The following CLEC16A variants were observed in gnomAD, a reference collection of about 807,000 sequenced individuals.
CLEC16A encodes C-type lectin domain containing 16A, also known as protein CLEC16A.
A neutral mutation model predicts 109.5 loss-of-function variants in CLEC16A; 51 were observed. The ratio of observed to expected loss-of-function variants is 0.47; its 90% confidence interval spans 0.37 to 0.59. The LOEUF is 0.59. Ranked by LOEUF, CLEC16A falls within the 20% of genes least tolerant of loss-of-function variation. The pLI is 0.00. For synonymous variants in CLEC16A, 673 were observed against 564.2 expected (o/e 1.19, Z -2.73); for missense variants, 1,339 against 1,394.0 (o/e 0.96, Z 0.63).
At chr16:11,007,424 G>A (rs1042471587) in intron 11 of CLEC16A, among the ~76,000 whole-genome samples, 1 of 152,130 alleles carries the variant, frequency 6.6e-6, no homozygotes, top group African/African-American at 2.4e-5. Context: ...TCTTGGTTGG[G>A]GCAAGCCAGG....
At chr16:11,176,861 A>G (rs2068769016) in intron 23 of CLEC16A, among the ~76,000 whole-genome samples, 1 of 152,198 alleles carries the variant, frequency 6.6e-6, no homozygotes, top group South Asian at 2.1e-4. Flanking sequence ...TCGCTCCGTG[A>G]TGGGAGCTCT....
chr16:11,033,976 C>G (rs1256653330), intron 13 of CLEC16A, among the ~76,000 whole-genome samples: 4 of 152,146 alleles, frequency 2.6e-5, no homozygotes, highest in Non-Finnish European at 4.4e-5. Flanking sequence ...CTTGAAGGTT[C>G]CCCAGTTCAG....
At chr16:10,994,514 G>GT (rs1470976427) in intron 10 of CLEC16A, among the ~76,000 whole-genome samples, 1 of 152,096 alleles carries the variant, frequency 6.6e-6, no homozygotes, top group Non-Finnish European at 1.5e-5. Flanking sequence ...GTTACAGTGG[G>GT]TGTGACCTCC....
intron 22 of CLEC16A, among the ~76,000 whole-genome samples, chr16:11,138,039 G>T (rs1400592322): frequency 1.3e-5 from 2 of 152,220 alleles, no homozygotes. Context: ...GGGGGCCAGG[G>T]TACGGGACCG....
chr16:11,047,368 G>A, intron 17 of CLEC16A, 26 bp downstream of exon 17: 1 of 1,584,004 alleles, frequency 6.3e-7, no homozygotes, highest in Non-Finnish European at 8.6e-7. Context: ...GGACACACTT[G>A]GGCTGGTGTG....
chr16:11,067,420 G>A (rs575904083), intron 19 of CLEC16A, among the ~76,000 whole-genome samples: 1 of 152,148 alleles, frequency 6.6e-6, no homozygotes, highest in East Asian at 1.9e-4. Context: ...GCTGCAGGGG[G>A]GGTGTGGGTG....
chr16:11,043,171 C>T (rs2152858119), intron 15 of CLEC16A, among the ~76,000 whole-genome samples: 1 of 152,180 alleles, frequency 6.6e-6, no homozygotes, highest in South Asian at 2.1e-4. Flanking sequence ...GTAATTCCAA[C>T]ATTTTGGAAA....
At chr16:11,071,176 C>G (rs951782332) in intron 19 of CLEC16A, 4 of 152,160 alleles carry the variant, frequency 2.6e-5, no homozygotes, top group Admixed American at 6.5e-5. Flanking sequence ...AATGTGAGCT[C>G]ATTGATTTCT....
At chr16:10,984,831 G>A (rs971473226) in intron 10 of CLEC16A, among the ~76,000 whole-genome samples, 2 of 152,184 alleles carry the variant, frequency 1.3e-5, no homozygotes, top group African/African-American at 4.8e-5. Flanking sequence ...ACCTGGTCTC[G>A]GGCAGGTTGT....
chr16:10,974,389 G>C (rs1189319607), intron 7 of CLEC16A, among the ~76,000 whole-genome samples: 1 of 152,210 alleles, frequency 6.6e-6, no homozygotes, highest in Admixed American at 6.5e-5. Context: ...TGTCCTCAAA[G>C]GGATGATTAG....
At chr16:10,963,801 G>A (rs2042370180) in intron 3 of CLEC16A, among the ~76,000 whole-genome samples, 1 of 152,198 alleles carries the variant, frequency 6.6e-6, no homozygotes, top group East Asian at 1.9e-4. Context: ...TTCAGTGAGG[G>A]GACATTTGGC....
chr16:11,100,140 C>T (rs1385875588), intron 19 of CLEC16A, among the ~76,000 whole-genome samples: 1 of 152,194 alleles, frequency 6.6e-6, no homozygotes, highest in Admixed American at 6.5e-5. Context: ...TAGCTCTGAA[C>T]TTGCCTCTGT....
At chr16:11,080,021 A>G (rs1359999664) in intron 19 of CLEC16A, among the ~76,000 whole-genome samples, 1 of 152,172 alleles carries the variant, frequency 6.6e-6, no homozygotes, top group Non-Finnish European at 1.5e-5. Context: ...CTATCATGGC[A>G]TCTTGTTCCT....
At chr16:11,031,866 G>A (rs2046759908) in intron 13 of CLEC16A, among the ~76,000 whole-genome samples, 1 of 152,248 alleles carries the variant, frequency 6.6e-6, no homozygotes, top group Non-Finnish European at 1.5e-5. Flanking sequence ...AAGTGATCAG[G>A]AGGAATAGCT....
chr16:11,075,402 GTGTGTGTGTCTGTGTGTGTGTGTGTA>G (rs2049303020), intron 19 of CLEC16A, among the ~76,000 whole-genome samples: 1 of 137,904 alleles, frequency 7.3e-6, no homozygotes, highest in South Asian at 2.4e-4. Context: ...GTGTGTGTGT[GTGTGTGTGTCTGTGTGTGTGTGTGTA>G]TGTGTGTGTG....
At chr16:11,144,390 C>G (rs2053967145) in intron 22 of CLEC16A, among the ~76,000 whole-genome samples, 1 of 152,144 alleles carries the variant, frequency 6.6e-6, no homozygotes, top group Non-Finnish European at 1.5e-5. Context: ...TGTGTTCATT[C>G]TCCGTCCTGT....
At chr16:11,067,989 C>T (rs1301562598) in intron 19 of CLEC16A, among the ~76,000 whole-genome samples, 1 of 152,244 alleles carries the variant, frequency 6.6e-6, no homozygotes. Context: ...CCTGGCAAGG[C>T]AGGCTGCTGT....
chr16:10,974,394 G>T (rs2042942193), intron 7 of CLEC16A, among the ~76,000 whole-genome samples: 1 of 152,188 alleles, frequency 6.6e-6, no homozygotes, highest in Non-Finnish European at 1.5e-5. Flanking sequence ...TCAAAGGGAT[G>T]ATTAGAAGTT....
chr16:10,982,318 C>T (rs559061194), intron 9 of CLEC16A, among the ~76,000 whole-genome samples: 12 of 152,232 alleles, frequency 7.9e-5, no homozygotes, highest in African/African-American at 2.6e-4. Context: ...TTTTCAGCCC[C>T]GTAGTTCACA....
Sources: gnomAD v4.1 joint callset for allele counts (sites outside exome capture counted in the v4.1 genomes callset) on GRCh38, gnomAD v4.1.1 for gene constraint, MANE v1.5 for transcripts, NCBI Gene and HGNC (gene_info 2026-07-23, HGNC 2026-07-21) for gene names.